UBXN7: variants seen among roughly 807,000 people sequenced by gnomAD.
UBXN7 encodes UBX domain protein 7.
Under a neutral mutation model 58.0 loss-of-function variants are expected in UBXN7, and 9 were observed. That is an observed-to-expected ratio of 0.16 (90% CI 0.09 to 0.27). UBXN7 has a LOEUF of 0.27. Among genes scored for constraint, UBXN7 ranks in the 10% least tolerant of loss-of-function variants. UBXN7 has a pLI of 1.00. For missense variants in UBXN7, 328 were observed against 599.6 expected, an observed-to-expected ratio of 0.55 and a Z score of 4.73; for synonymous variants, 208 against 205.0, an observed-to-expected ratio of 1.01 and a Z score of -0.12.
chr3:196,366,899 C>A (rs1246256987), intron 8 of UBXN7, among the ~76,000 whole-genome samples: 1 of 151,994 alleles, frequency 6.6e-6, no homozygotes, highest in South Asian at 2.1e-4. Context: ...AAGAAAAAAA[C>A]AGGACGGGCG....
At chr3:196,420,882 C>T (rs562596267) in intron 1 of UBXN7, among the ~76,000 whole-genome samples, 5 of 152,172 alleles carry the variant, frequency 3.3e-5, no homozygotes, top group Non-Finnish European at 7.3e-5. Flanking sequence ...TCTTCACTAC[C>T]ATCCAGAAAC....
chr3:196,419,497 C>A (rs1252374543), intron 1 of UBXN7, among the ~76,000 whole-genome samples: 1 of 152,092 alleles, frequency 6.6e-6, no homozygotes, highest in African/African-American at 2.4e-5. Flanking sequence ...GCAAAGTATA[C>A]CATCCACTTT....
At chr3:196,368,870 T>G (rs1728741970) in intron 7 of UBXN7, among the ~76,000 whole-genome samples, 1 of 152,214 alleles carries the variant, frequency 6.6e-6, no homozygotes, top group Non-Finnish European at 1.5e-5. Flanking sequence ...TTGCCCAGGC[T>G]GGAGTGCAGT....
Position 196,386,349 on chromosome 3 carries a change from C to T in UBXN7, c.468+5464G>A, listed in dbSNP as rs140683731. Among the ~76,000 whole-genome samples, 584 of 143,638 alleles carry T rather than the reference C, an allele frequency of 4.1e-3. 19 individuals are homozygous for T. In the South Asian group the frequency reaches 0.072, roughly 18 times the overall value. The allele number at this position is 143,638 out of a possible 152,430, so 94.2% of individuals were successfully genotyped here. A position where few individuals can be genotyped will look rare whatever the true frequency, so the allele number is the denominator to read the frequency against. ...TATGACCCTGCCACATCCCCCTCTC[C>T]GAGAAACACCCAAGAATGATTAATA... is the stretch of plus-strand genomic sequence containing the variant. On this transcript the variant is annotated intron_variant, in intron 5 of 10. Coordinates refer to ENST00000296328, the MANE Select transcript of UBXN7 (RefSeq NM_015562.2).
intron 1 of UBXN7, among the ~76,000 whole-genome samples, chr3:196,415,806 C>T (rs1730463620): frequency 6.6e-6 from 1 of 151,564 alleles, no homozygotes; most frequent in African/African-American, 2.4e-5. Flanking sequence ...TCAGTGACTA[C>T]TGTGCTCTAC....
At position 196,407,955 on chromosome 3, in the gene UBXN7, AGGCATGGTGGTACACACCT is replaced by A. The variant is rs568869671; in HGVS notation, c.74-581_74-563del. 4.6e-3 allele frequency among the ~76,000 whole-genome samples: 694 copies of A among 151,950 alleles called. 5 individuals carry two copies. The highest frequency in any genetic ancestry group is 0.015 in the African/African-American group (636 of 41,424). On this transcript the variant is annotated intron_variant, in intron 1 of 10. Coordinates refer to ENST00000296328, the MANE Select transcript of UBXN7 (RefSeq NM_015562.2). Reference sequence around the variant, plus strand: ...TCTACTAAAAACACAAAAATTTGCCAGGCATGGTGGTACACACCTGTAATCCCAGCTACTTGGGAGGCTG... The same window carrying A: ...TCTACTAAAAACACAAAAATTTGCCAGTAATCCCAGCTACTTGGGAGGCTG...
At chr3:196,372,328 T>TCTCTCTCTCTCTC (rs1173128048) in intron 5 of UBXN7, among the ~76,000 whole-genome samples, 2 of 103,868 alleles carry the variant, frequency 1.9e-5, no homozygotes, top group African/African-American at 3.1e-5. Flanking sequence ...CTCTCTCTCC[T>TCTCTCTCTCTCTC]TTCTTTCTTT....
chr3:196,351,195 G>A lies in UBXN7; in HGVS notation c.*5490C>T, dbSNP rs1185322354. The A allele has an allele frequency of 6.6e-6, 1 of 152,172 alleles. No homozygotes were observed. The highest frequency in any genetic ancestry group is 1.5e-5 in the Non-Finnish European group (1 of 68,024). The allele number at this position is 152,172 out of a possible 1,614,324, so 9.4% of individuals were successfully genotyped here. A position where few individuals can be genotyped will look rare whatever the true frequency, so the allele number is the denominator to read the frequency against. Reference sequence around the variant, plus strand: ...TAAAAAGCTGTTTCTGCCAAAACCAGGTGTGAATCTTATACAAATCAATTT... The same window carrying A: ...TAAAAAGCTGTTTCTGCCAAAACCAAGTGTGAATCTTATACAAATCAATTT... On this transcript the variant is annotated 3_prime_UTR_variant, in exon 11 of 11. Transcript: ENST00000296328.
chr3:196,416,782 T>C (rs1730498847), intron 1 of UBXN7, among the ~76,000 whole-genome samples: 2 of 152,222 alleles, frequency 1.3e-5, no homozygotes, highest in African/African-American at 4.8e-5. Context: ...GTATCAATCA[T>C]TTCATAACAT....
chr3:196,370,423 G>A (rs1028684361), intron 6 of UBXN7, among the ~76,000 whole-genome samples: 9 of 150,596 alleles, frequency 6.0e-5, no homozygotes, highest in South Asian at 2.1e-4. Context: ...ACTGTGTTCC[G>A]GCCTGGGTGA....
intron 3 of UBXN7, among the ~76,000 whole-genome samples, chr3:196,394,351 C>T (rs927476672): frequency 6.7e-6 from 1 of 149,576 alleles, no homozygotes; most frequent in Non-Finnish European, 1.5e-5. Flanking sequence ...TCCTGTAATC[C>T]CAGCATTTTG....
chr3:196,368,001 C>A, intron 8 of UBXN7, 27 bp downstream of exon 8: 1 of 1,600,924 alleles, frequency 6.2e-7, no homozygotes, highest in Non-Finnish European at 8.5e-7. Flanking sequence ...ATTTATTTTC[C>A]CATCACCACC....
At chr3:196,426,995 C>T (rs1369159416) in intron 1 of UBXN7, among the ~76,000 whole-genome samples, 2 of 152,194 alleles carry the variant, frequency 1.3e-5, no homozygotes, top group African/African-American at 2.4e-5. Flanking sequence ...ATAATTTTCT[C>T]AAGTATGTTA....
At position 196,421,407 on chromosome 3, in the gene UBXN7, C is replaced by T. The variant is rs192345952; in HGVS notation, c.73+10920G>A. Among the ~76,000 whole-genome samples the T allele has an allele frequency of 7.2e-5, 11 of 152,276 alleles. No homozygotes were observed. The East Asian group carries it at 1.5e-3, about 21-fold the overall frequency. On this transcript the variant is annotated intron_variant, in intron 1 of 10. Transcript: ENST00000296328. ...AAATTCCAGTGGAAGCATTCAGAAA[C>T]GTTTACAGCAATTTGAGAGAGTAAT...
At chr3:196,393,740 T>G in intron 3 of UBXN7, 121 bp from the exon 4 acceptor site, 1 of 920,566 alleles carries the variant, frequency 1.1e-6, no homozygotes, top group Non-Finnish European at 1.6e-6. Flanking sequence ...GAACTGCATG[T>G]CACCCTTGCA....
intron 5 of UBXN7, among the ~76,000 whole-genome samples, chr3:196,376,545 C>CAAAAAAAAAAAAAAAAAAA (rs777458391): frequency 6.1e-4 from 31 of 50,890 alleles, no homozygotes; most frequent in East Asian, 7.0e-4. Context: ...GACTCTGTCT[C>CAAAAAAAAAAAAAAAAAAA]AAAAAAAAAA....
Position 196,414,333 on chromosome 3 carries a change from G to A in UBXN7, c.74-6940C>T, listed in dbSNP as rs115321145. Among the ~76,000 whole-genome samples, 455 of 152,180 alleles carry A rather than the reference G, an allele frequency of 3.0e-3. 2 individuals carry two copies. The highest frequency in any genetic ancestry group is 7.4e-3 in the African/African-American group (309 of 41,514). On this transcript the variant is annotated intron_variant, in intron 1 of 10. Transcript: ENST00000296328. The stretch of plus-strand genomic sequence containing the variant: ...ATACGCAGGCTAAATTCACCAATAC[G>A]GAACCCATGAATATGGAGGGCCAGA...
At chr3:196,416,261 G>A (rs1197635633) in intron 1 of UBXN7, 1 of 151,978 alleles carries the variant, frequency 6.6e-6, no homozygotes, top group Non-Finnish European at 1.5e-5. Flanking sequence ...CCAACATGGT[G>A]GAACTCCATC....
At position 196,368,059 on chromosome 3, in the gene UBXN7, G is replaced by T. The variant is rs781013143; in HGVS notation, c.803C>A (p.Ser268Tyr). The change falls in exon 8 of 11, where the codon TCT becomes TAT. Residue 268 changes from serine (S) to tyrosine (Y), a missense_variant. By Grantham distance (144) the Ser-to-Tyr change is moderately radical (BLOSUM62 -2). Around this residue, in one of 4 missense-constraint regions of UBXN7, gnomAD observed 126 missense variants for 302.6 expected, o/e 0.42. Transcript: ENST00000296328. ...LGEHGQLDGL[S>Y]SSPPKKCARS... ...GGCACATTTTTTGGGGGGACTGCTA[G>T]AAAGTCCATCCAGTTGTCCATGTTC... The T allele has an allele frequency of 6.2e-7, 1 of 1,613,890 alleles. No individual in the cohort carries two copies. The highest frequency in any genetic ancestry group is 8.5e-7 in the Non-Finnish European group (1 of 1,179,902).
Sources: gnomAD v4.1 joint callset for allele counts (sites outside exome capture counted in the v4.1 genomes callset) on GRCh38, gnomAD v4.1.1 for gene constraint, gnomAD v4.1.1 regional missense constraint, MANE v1.5 for transcripts, NCBI Gene and HGNC (gene_info 2026-07-23, HGNC 2026-07-21) for gene names.